CCKBR: variants seen among roughly 807,000 people sequenced by gnomAD.
CCKBR encodes the protein gastrin/cholecystokinin type B receptor.
A neutral mutation model predicts 34.6 loss-of-function variants in CCKBR; 33 were observed. That is an observed-to-expected ratio of 0.95 (90% CI 0.72 to 1.27). The LOEUF (loss-of-function observed/expected upper bound fraction) is 1.27, where lower values mean the gene tolerates loss of function less well. CCKBR is among the 50% of genes most tolerant of loss of function. The pLI is 0.00. For missense variants in CCKBR, 652 were observed against 617.4 expected (o/e 1.06, Z -0.59); for synonymous variants, 269 against 267.5 (o/e 1.01, Z -0.06).
intron 1 of CCKBR, among the ~76,000 whole-genome samples, chr11:6,268,525 CA>C (rs1328663200): frequency 5.3e-5 from 8 of 152,224 alleles, no homozygotes; most frequent in African/African-American, 1.7e-4. Flanking sequence ...CTCTGCCTCA[CA>C]CAGGTGTCCC....
intron 3 of CCKBR, 128 bp from the exon 4 acceptor site, chr11:6,270,518 G>A: frequency 1.5e-6 from 2 of 1,357,626 alleles, no homozygotes; most frequent in South Asian, 1.4e-5. Flanking sequence ...CTTCCCAGCG[G>A]CACCCCCAAA....
At chr11:6,270,537 C>T in intron 3 of CCKBR, 109 bp from the exon 4 acceptor site, 1 of 1,416,552 alleles carries the variant, frequency 7.1e-7, no homozygotes, top group African/African-American at 1.4e-5. Context: ...AATCCTACTC[C>T]TACTTCAGGT....
Position 6,271,615 on chromosome 11 carries a change from A to C in CCKBR, c.*72A>C. The C allele has an allele frequency of 1.4e-6, 2 of 1,408,944 alleles. No individual in the cohort carries two copies. The highest frequency in any genetic ancestry group is 1.9e-6 in the Non-Finnish European group (2 of 1,054,680). The allele number at this position is 1,408,944 out of a possible 1,614,324, so 87.3% of individuals were successfully genotyped here. Reference sequence around the variant, plus strand: ...TGACCCTTCCAGACATACGAAACACAAACCACAACTGACACAGGAAACCAA... The same window carrying C: ...TGACCCTTCCAGACATACGAAACACCAACCACAACTGACACAGGAAACCAA... On this transcript the variant is annotated 3_prime_UTR_variant, in exon 5 of 5. Transcript: ENST00000334619.
chr11:6,260,029 TG>T lies in CCKBR; in HGVS notation c.104del (p.Gly35AlafsTer29). On this transcript the variant is annotated frameshift_variant, in exon 1 of 5. Coordinates refer to ENST00000334619, the MANE Select transcript of CCKBR (RefSeq NM_176875.4). LOFTEE classifies it high-confidence loss of function. ...GCGCCTCTCCTCAACAGCAGCAGTG[TG>T]GGCAACCTCAGCTGCGAGCCCCCTC... ...PGAPLLNSSS[V>X]GNLSCEPPRI... 2 of 1,596,900 alleles carry T rather than the reference TG, an allele frequency of 1.3e-6. No homozygotes were observed. Among genetic ancestry groups the T allele is most frequent in the East Asian group, 2.3e-5 (1 of 42,830 alleles).
At position 6,271,213 on chromosome 11, in the gene CCKBR, C is replaced by A. The variant is rs199874559; in HGVS notation, c.1014C>A (p.Ile338=). The A allele has an allele frequency of 6.2e-7, 1 of 1,614,174 alleles. No homozygotes were observed. Among genetic ancestry groups the A allele is most frequent in the Non-Finnish European group, 8.5e-7 (1 of 1,180,024 alleles). The change falls in exon 5 of 5, where the codon ATC becomes ATA. Residue 338 remains isoleucine (I), a synonymous_variant. Transcript: ENST00000334619. The part of the protein sequence containing the change: ...KKRVVRMLLV[I]VVLFFLCWLP... ...GCGTGGTGCGAATGTTGCTGGTGAT[C>A]GTTGTGCTTTTTTTTCTGTGTTGGT...
rs1590674903 is a variant in CCKBR at position 6,271,486 on chromosome 11, C to T, written c.1287C>T (p.Ser429=). Residue 429 remains serine, a synonymous_variant, in exon 5 of 5, where the codon TCC becomes TCT. Transcript: ENST00000334619. The part of the protein sequence containing the change: ...ALPDEDPPTP[S]IASLSRLSYT... ...CCGATGAGGACCCTCCCACTCCCTC[C>T]ATTGCTTCGCTGTCCAGGCTTAGCT... The T allele has an allele frequency of 6.2e-7, 1 of 1,611,796 alleles. No homozygotes were observed. The highest frequency in any genetic ancestry group is 8.5e-7 in the Non-Finnish European group (1 of 1,179,562).
intron 1 of CCKBR, among the ~76,000 whole-genome samples, chr11:6,268,643 G>A (rs561443340): frequency 1.3e-3 from 201 of 152,298 alleles, no homozygotes; most frequent in African/African-American, 4.7e-3. Flanking sequence ...AAATGGCAGG[G>A]ATCTTGTCAT....
intron 1 of CCKBR, among the ~76,000 whole-genome samples, chr11:6,261,089 C>T (rs934334529): frequency 4.6e-5 from 7 of 152,104 alleles, no homozygotes; most frequent in East Asian, 1.9e-4. Flanking sequence ...ATTTACCCCA[C>T]GAAATAATCT....
intron 1 of CCKBR, among the ~76,000 whole-genome samples, chr11:6,267,593 G>A (rs1170702001): frequency 6.6e-6 from 1 of 152,120 alleles, no homozygotes; most frequent in African/African-American, 2.4e-5. Flanking sequence ...AAATAAGTAA[G>A]AGTATACTCT....
intron 1 of CCKBR, among the ~76,000 whole-genome samples, chr11:6,268,191 T>G (rs1287538080): frequency 1.3e-5 from 2 of 152,190 alleles, no homozygotes; most frequent in Non-Finnish European, 2.9e-5. Flanking sequence ...AATTGGTCAT[T>G]TACCAAAACA....
intron 1 of CCKBR, among the ~76,000 whole-genome samples, chr11:6,265,498 C>T (rs11040823): frequency 0.18 from 26,784 of 151,960 alleles, 2,442 homozygotes; most frequent in Middle Eastern, 0.31. Flanking sequence ...TGAAGAAAGA[C>T]ATCCAGGGCA....
rs1317110119 is a variant in CCKBR at position 6,270,082 on chromosome 11, G to GT, written c.404-3dup. The GT allele has an allele frequency of 1.2e-6, 2 of 1,600,598 alleles. No individual in the cohort carries two copies. Among genetic ancestry groups the GT allele is most frequent in the Non-Finnish European group, 1.7e-6 (2 of 1,170,980 alleles). ...GTGACTCCTTCCTTTCTCTTCCCTT[G>GT]TTTAGGGGTGTCTGTGAGTGTGTCC... is the stretch of plus-strand genomic sequence containing the variant. On this transcript the variant is annotated splice_region_variant and splice_polypyrimidine_tract_variant and intron_variant, in intron 2 of 4. Coordinates refer to ENST00000334619, the MANE Select transcript of CCKBR (RefSeq NM_176875.4).
At chr11:6,268,075 C>T (rs1214132854) in intron 1 of CCKBR, among the ~76,000 whole-genome samples, 1 of 152,200 alleles carries the variant, frequency 6.6e-6, no homozygotes. Context: ...AGCTCCTGGC[C>T]TCAGGTGATC....
At position 6,260,096 on chromosome 11, in the gene CCKBR, GC is replaced by G. The variant is rs552247907; in HGVS notation, c.151+25del. On this transcript the variant is annotated intron_variant, in intron 1 of 4. Transcript: ENST00000334619. ...GGACACGAGGTGGGTGCCTCCCTCA[GC>G]CCCCCCCACAAGCTATTTCTCACTG... is the stretch of plus-strand genomic sequence containing the variant. 78 of 1,567,810 alleles carry G rather than the reference GC, an allele frequency of 5.0e-5. No homozygotes were observed. The highest frequency in any genetic ancestry group is 1.7e-4 in the Middle Eastern group (1 of 5,946).
At chr11:6,264,607 A>G in intron 1 of CCKBR, 1 of 696,224 alleles carries the variant, frequency 1.4e-6, no homozygotes, top group Non-Finnish European at 2.6e-6. Flanking sequence ...TAGACTTATC[A>G]AGGCACTTGT....
rs750156310 is a variant in CCKBR, at chr11:6,270,936, G to A, written c.812-75G>A. On this transcript the variant is annotated intron_variant, in intron 4 of 4. Coordinates refer to ENST00000334619, the MANE Select transcript of CCKBR (RefSeq NM_176875.4). ...CTGGAAATGGAGTTGAGCTGGGAGCGGAGGTCAGGTGGGGACTGGGCTGGA... is the reference window on the plus strand; with the variant it reads ...CTGGAAATGGAGTTGAGCTGGGAGCAGAGGTCAGGTGGGGACTGGGCTGGA... 2.4e-5 allele frequency: 38 copies of A among 1,612,340 alleles called. No individual in the cohort carries two copies. In the Middle Eastern group the frequency reaches 6.6e-4, roughly 28 times the overall value.
chr11:6,265,178 G>C (rs1297370188), intron 1 of CCKBR, among the ~76,000 whole-genome samples: 1 of 152,180 alleles, frequency 6.6e-6, no homozygotes, highest in Non-Finnish European at 1.5e-5. Context: ...CTGTTCAACA[G>C]CAAAGACGTG....
intron 1 of CCKBR, among the ~76,000 whole-genome samples, chr11:6,263,425 C>T (rs1848164655): frequency 6.6e-6 from 1 of 151,814 alleles, no homozygotes; most frequent in Non-Finnish European, 1.5e-5. Flanking sequence ...ATATTACTTA[C>T]ATTCACTCAG....
chr11:6,271,707 A>T lies in CCKBR; in HGVS notation c.*164A>T, dbSNP rs1848321152. 3 of 681,998 alleles carry T rather than the reference A, an allele frequency of 4.4e-6. No individual in the cohort carries two copies. The highest frequency in any genetic ancestry group is 3.0e-5 in the Admixed American group (1 of 32,826). The allele number at this position is 681,998 out of a possible 1,614,324, so 42.2% of individuals were successfully genotyped here. On this transcript the variant is annotated 3_prime_UTR_variant, in exon 5 of 5. Transcript: ENST00000334619. ...GCTTACCTGACACAAGAGGAATAAG[A>T]ATGGAGCAGTACATGGGAAAGGAGG...
Sources: gnomAD v4.1 joint callset for allele counts (sites outside exome capture counted in the v4.1 genomes callset) on GRCh38, gnomAD v4.1.1 for gene constraint, MANE v1.5 for transcripts, NCBI Gene and HGNC (gene_info 2026-07-23, HGNC 2026-07-21) for gene names.